Variants in MROH2B observed in about 807,000 individuals in gnomAD.
MROH2B encodes maestro heat like repeat family member 2B.
In MROH2B, 177 loss-of-function variants were observed where a neutral mutation model predicts 208.6. The observed-to-expected ratio is 0.85, with a 90% confidence interval of 0.75 to 0.96. MROH2B has a LOEUF of 0.96. Among genes scored for constraint, MROH2B ranks in the 40% least tolerant of loss-of-function variants. The probability of loss-of-function intolerance (pLI) is 0.00; values close to 1 mark genes in which losing one functional copy is unlikely to be tolerated. For synonymous variants in MROH2B, 728 were observed against 659.0 expected (o/e 1.10, Z -1.60); for missense variants, 2,002 against 1,878.7 (o/e 1.07, Z -1.21).
intron 24 of MROH2B, among the ~76,000 whole-genome samples, chr5:41,020,579 G>T (rs2111880874): frequency 6.6e-6 from 1 of 152,224 alleles, no homozygotes; most frequent in East Asian, 1.9e-4. Context: ...TGACTGATAT[G>T]ACATAGATGC....
At chr5:41,023,713 C>T (rs1033858486) in intron 24 of MROH2B, among the ~76,000 whole-genome samples, 12 of 152,026 alleles carry the variant, frequency 7.9e-5, no homozygotes, top group Non-Finnish European at 1.2e-4. Context: ...AGAAGAGCAA[C>T]TCCAAGACAC....
At position 40,998,058 on chromosome 5, in the gene MROH2B, A is replaced by G. The variant is rs1469895990; in HGVS notation, c.4752T>C (p.Pro1584=). Residue 1584 remains proline (P), a synonymous_variant, in exon 42 of 42, where the codon CCT becomes CCC. Coordinates refer to ENST00000399564, the MANE Select transcript of MROH2B (RefSeq NM_173489.5). ...LLRRCKETSI[P]L ...CAGTTTATTTCTTGATGGCTTACAGAGGAATGCTTGTCTCTTTACACCTTC... is the reference window on the plus strand; with the variant it reads ...CAGTTTATTTCTTGATGGCTTACAGGGGAATGCTTGTCTCTTTACACCTTC... The G allele has an allele frequency of 6.2e-7, 1 of 1,608,084 alleles. No homozygotes were observed. The highest frequency in any genetic ancestry group is 1.7e-5 in the Admixed American group (1 of 59,598).
intron 9 of MROH2B, among the ~76,000 whole-genome samples, chr5:41,056,899 C>T (rs1405779183): frequency 6.6e-6 from 1 of 151,676 alleles, no homozygotes; most frequent in African/African-American, 2.4e-5. Context: ...GTCGTGGAAA[C>T]CCTGGCATCA....
chr5:41,050,963 A>G lies in MROH2B; in HGVS notation c.1344+14T>C. The G allele has an allele frequency of 1.3e-6, 2 of 1,533,318 alleles. No individual in the cohort carries two copies. Among genetic ancestry groups the G allele is most frequent in the Non-Finnish European group, 1.8e-6 (2 of 1,131,142 alleles). The allele number at this position is 1,533,318 out of a possible 1,614,324, so 95.0% of individuals were successfully genotyped here. A position where few individuals can be genotyped will look rare whatever the true frequency, so the allele number is the denominator to read the frequency against. On this transcript the variant is annotated intron_variant, in intron 13 of 41. Coordinates refer to ENST00000399564, the MANE Select transcript of MROH2B (RefSeq NM_173489.5). ...GATCAAAGTAACTGTAAGTGGTGAC[A>G]AAAGACCACTTACCTGAGGCATTCC...
At chr5:41,050,126 C>T (rs188316728) in intron 13 of MROH2B, among the ~76,000 whole-genome samples, 1 of 152,312 alleles carries the variant, frequency 6.6e-6, no homozygotes, top group East Asian at 1.9e-4. Flanking sequence ...CTACAAGTTG[C>T]ATCTGATCTC....
chr5:41,068,113 A>G (rs78870613), intron 2 of MROH2B, among the ~76,000 whole-genome samples: 1 of 152,304 alleles, frequency 6.6e-6, no homozygotes, highest in Non-Finnish European at 1.5e-5. Flanking sequence ...GGATGATGAA[A>G]GAGAGACTGG....
intron 37 of MROH2B, among the ~76,000 whole-genome samples, chr5:41,002,589 G>A (rs1741431481): frequency 6.6e-6 from 1 of 152,226 alleles, no homozygotes; most frequent in African/African-American, 2.4e-5. Context: ...ATATACTTAT[G>A]TAAAAATGGC....
intron 28 of MROH2B, among the ~76,000 whole-genome samples, chr5:41,015,993 A>T (rs894667082): frequency 1.3e-5 from 2 of 152,228 alleles, no homozygotes; most frequent in African/African-American, 2.4e-5. Context: ...CCTAACCAAT[A>T]AAGATTTTCT....
intron 19 of MROH2B, 57 bp from the exon 20 acceptor site, chr5:41,039,612 A>G (rs1435655454): frequency 8.2e-7 from 1 of 1,222,732 alleles, no homozygotes; most frequent in Non-Finnish European, 1.2e-6. Context: ...TTCAACAAAT[A>G]TTTACTGAGC....
chr5:41,067,415 G>A (rs1159849181), intron 2 of MROH2B, among the ~76,000 whole-genome samples, 197 bp from the exon 3 acceptor site: 2 of 151,688 alleles, frequency 1.3e-5, no homozygotes, highest in Non-Finnish European at 2.9e-5. Flanking sequence ...TGGCCAGGCT[G>A]GAGTGCAATG....
rs1001251659 is a variant in MROH2B, at chr5:41,004,495, T to C, written c.4045A>G (p.Ile1349Val). The C allele has an allele frequency of 7.4e-6, 12 of 1,612,598 alleles. No homozygotes were observed. The highest frequency in any genetic ancestry group is 1.0e-5 in the Non-Finnish European group (12 of 1,179,616). Reference protein sequence around the residue: ...KKHKQLMLESIIRGLYHLART... With the variant: ...KKHKQLMLESVIRGLYHLART... ...GCTAGGTGATACAGGCCTCTGATGA[T>C]AGATTCTAGCATTAACTGCTTATGT... The change falls in exon 37 of 42, where the codon ATC becomes GTC. Residue 1349 changes from isoleucine to valine, a missense_variant. Transcript: ENST00000399564.
rs536610516 is a variant in MROH2B at position 41,023,845 on chromosome 5, C to T, written c.2442-4827G>A. 5.9e-5 allele frequency among the ~76,000 whole-genome samples: 9 copies of T among 152,302 alleles called. No individual in the cohort carries two copies. In the East Asian group the frequency reaches 1.5e-3, roughly 26 times the overall value. On this transcript the variant is annotated intron_variant, in intron 24 of 41. Coordinates refer to ENST00000399564, the MANE Select transcript of MROH2B (RefSeq NM_173489.5). Reference sequence around the variant, plus strand: ...CTAACAGCGGATCTCTCCACAGAAACTCTACAAGCCAGAAGAGAGTAGGGG... The same window carrying T: ...CTAACAGCGGATCTCTCCACAGAAATTCTACAAGCCAGAAGAGAGTAGGGG...
At chr5:41,019,463 A>G (rs569706144) in intron 24 of MROH2B, among the ~76,000 whole-genome samples, 1 of 152,338 alleles carries the variant, frequency 6.6e-6, no homozygotes, top group South Asian at 2.1e-4. Flanking sequence ...CATGTTCTAA[A>G]TAGTGACACA....
chr5:41,018,258 G>C, intron 27 of MROH2B, 83 bp downstream of exon 27: 1 of 1,348,784 alleles, frequency 7.4e-7, no homozygotes, highest in African/African-American at 1.5e-5. Context: ...GATCCATCAT[G>C]CAGGAGTTTT....
rs1008167498 is a variant in MROH2B, at chr5:41,005,920, A to C, written c.3750-275T>G. On this transcript the variant is annotated intron_variant, in intron 34 of 41. Coordinates refer to ENST00000399564, the MANE Select transcript of MROH2B (RefSeq NM_173489.5). ...GTGGTGTGCTCCTGTAGTCCCAGCT[A>C]TTCAGGAGGCTGAGGCAGGAGAATT... 2.0e-5 allele frequency among the ~76,000 whole-genome samples: 3 copies of C among 151,772 alleles called. No individual in the cohort carries two copies. The South Asian group carries it at 6.2e-4, about 32-fold the overall frequency.
rs965061098 is a variant in MROH2B at position 41,010,191 on chromosome 5, A to T, written c.3136-112T>A. 4.2e-6 allele frequency: 4 copies of T among 961,986 alleles called. No individual in the cohort carries two copies. In the African/African-American group the frequency reaches 6.6e-5, roughly 16 times the overall value. The allele number at this position is 961,986 out of a possible 1,614,324, so 59.6% of individuals were successfully genotyped here. A position where few individuals can be genotyped will look rare whatever the true frequency, so the allele number is the denominator to read the frequency against. Reference sequence around the variant, plus strand: ...CAGCTGATGAATTCTAAATAATGTTAAAAATAATAATTGATTTCACATGTG... The same window carrying T: ...CAGCTGATGAATTCTAAATAATGTTTAAAATAATAATTGATTTCACATGTG... On this transcript the variant is annotated intron_variant, in intron 30 of 41. Transcript: ENST00000399564.
intron 6 of MROH2B, 85 bp downstream of exon 6, chr5:41,061,485 G>C: frequency 9.9e-6 from 12 of 1,215,142 alleles, no homozygotes; most frequent in Non-Finnish European, 1.3e-5. Flanking sequence ...AAAATACTGA[G>C]CCTAATTATC....
chr5:41,058,042 C>T, intron 7 of MROH2B, 21 bp downstream of exon 7: 1 of 1,514,456 alleles, frequency 6.6e-7, no homozygotes, highest in Non-Finnish European at 8.9e-7. Flanking sequence ...TGATTCAGTT[C>T]CTTTAGGGTA....
chr5:41,037,964 T>A lies in MROH2B; in HGVS notation c.2214+772A>T, dbSNP rs118042288. ...TATTAAAGATACAAACAAAATGCTA[T>A]GGAAGACAGAATGATCAGATAAATT... is the stretch of plus-strand genomic sequence containing the variant. On this transcript the variant is annotated intron_variant, in intron 21 of 41. Transcript: ENST00000399564. Among the ~76,000 whole-genome samples the A allele has an allele frequency of 2.9e-3, 437 of 152,282 alleles. 4 individuals carry two copies. The East Asian group carries it at 0.065, about 23-fold the overall frequency.
Sources: gnomAD v4.1 joint callset for allele counts (sites outside exome capture counted in the v4.1 genomes callset) on GRCh38, gnomAD v4.1.1 for gene constraint, MANE v1.5 for transcripts, NCBI Gene and HGNC (gene_info 2026-07-23, HGNC 2026-07-21) for gene names.